FAM228B: variants seen among roughly 807,000 people sequenced by gnomAD.
FAM228B encodes the protein family with sequence similarity 228 member B.
FAM228B carries 38 observed loss-of-function variants against 42.6 expected under a neutral mutation model. That is an observed-to-expected ratio of 0.89 (90% CI 0.69 to 1.17). FAM228B has a LOEUF of 1.17. FAM228B is among the 50% of genes most tolerant of loss of function. FAM228B has a pLI of 0.00. For missense variants in FAM228B, 344 were observed against 367.3 expected (o/e 0.94, Z 0.52); for synonymous variants, 109 against 122.3 (o/e 0.89, Z 0.72).
intron 7 of FAM228B, among the ~76,000 whole-genome samples, chr2:24,150,820 G>T (rs1160022875): frequency 6.6e-6 from 1 of 152,128 alleles, no homozygotes; most frequent in Non-Finnish European, 1.5e-5. Flanking sequence ...TCCATTGTAT[G>T]TTATTTGTTT....
At chr2:24,167,574 A>C in intron 9 of FAM228B, 53 bp from the exon 10 acceptor site, 1 of 1,550,094 alleles carries the variant, frequency 6.5e-7, no homozygotes, top group Non-Finnish European at 8.7e-7. Flanking sequence ...TTCAGTAACT[A>C]ATATGGCCAG....
At chr2:24,115,433 C>T in intron 3 of FAM228B, 1 of 641,268 alleles carries the variant, frequency 1.6e-6, no homozygotes, top group Non-Finnish European at 2.7e-6. Context: ...AGAAGAGGAT[C>T]TCTGGAAGTA....
Position 24,164,327 on chromosome 2 carries a change from C to T in FAM228B, c.924C>T (p.Asp308=). The T allele has an allele frequency of 6.4e-7, 1 of 1,550,470 alleles. No homozygotes were observed. Among genetic ancestry groups the T allele is most frequent in the Admixed American group, 2.0e-5 (1 of 50,942 alleles). Residue 308 remains aspartate, a synonymous_variant, in exon 9 of 11, where the codon GAC becomes GAT. Coordinates refer to ENST00000615575, the MANE Select transcript of FAM228B (RefSeq NM_001145710.2). The part of the protein sequence containing the change: ...SLSLSQEREE[D]QDGSPSPRLG... The stretch of plus-strand genomic sequence containing the variant: ...GCCTCAGCCAGGAACGGGAGGAAGA[C>T]CAGGATGGGTAAGAGCTGGGGCTGT...
intron 2 of FAM228B, among the ~76,000 whole-genome samples, chr2:24,130,742 G>A (rs778029095): frequency 6.6e-6 from 1 of 152,054 alleles, no homozygotes; most frequent in African/African-American, 2.4e-5. Flanking sequence ...CTCCCATTCT[G>A]TAGGTTTCCT....
chr2:24,088,737 G>A (rs72783619), intron 2 of FAM228B, among the ~76,000 whole-genome samples: 23,303 of 152,250 alleles, frequency 0.15, 2,029 homozygotes, highest in South Asian at 0.21. Context: ...ATCCAAGGAG[G>A]GAGTCATGAG....
chr2:24,083,171 A>G (rs1307142611), intron 2 of FAM228B: 2 of 1,580,704 alleles, frequency 1.3e-6, no homozygotes, highest in Admixed American at 3.5e-5. Context: ...AAAGAAGTGC[A>G]CTAAGTGGTG....
intron 2 of FAM228B, among the ~76,000 whole-genome samples, chr2:24,083,641 A>G (rs1334987120): frequency 2.0e-5 from 3 of 152,158 alleles, no homozygotes; most frequent in Non-Finnish European, 4.4e-5. Context: ...ATTCTGATGC[A>G]CATTTCTGAA....
At chr2:24,118,216 T>C (rs1462980459) in intron 3 of FAM228B, among the ~76,000 whole-genome samples, 1 of 152,202 alleles carries the variant, frequency 6.6e-6, no homozygotes, top group Non-Finnish European at 1.5e-5. Flanking sequence ...TGGCTCTCTA[T>C]GTCTCTGTTC....
rs866258463 is a variant in FAM228B at position 24,098,802 on chromosome 2, T to C, written c.-121+3573T>C. On this transcript the variant is annotated intron_variant, in intron 3 of 10. Transcript: ENST00000613899. ...TTTCATGAGGCCAACATCATCCTTA[T>C]GCCAAAGCCTGGCAGAGACACAACA... 4.6e-5 allele frequency among the ~76,000 whole-genome samples: 7 copies of C among 152,334 alleles called. No individual in the cohort carries two copies. In the South Asian group the frequency reaches 1.5e-3, roughly 32 times the overall value.
intron 3 of FAM228B, among the ~76,000 whole-genome samples, chr2:24,136,472 C>T (rs1666591657): frequency 6.6e-6 from 1 of 152,196 alleles, no homozygotes. Context: ...GATCTGCCCA[C>T]CTCGGCCTCC....
chr2:24,084,537 C>T lies in FAM228B; in HGVS notation c.-210+3582C>T. On this transcript the variant is annotated intron_variant, in intron 2 of 10. Coordinates refer to the FAM228B transcript ENST00000613899. This position sits in a 1 kb window ranked among gnomAD's most constrained non-coding sequence, Gnocchi z 8.4. ...CCCGGCCTCCGCCCCGAGCTCCTGC[C>T]TGGGAAGTCCTCGGCCGCCTCCAGA... The T allele has an allele frequency of 8.0e-6, 5 of 624,572 alleles. No homozygotes were observed. Among genetic ancestry groups the T allele is most frequent in the Non-Finnish European group, 1.0e-5 (4 of 391,810 alleles). 38.7% of individuals were successfully genotyped at this position (624,572 alleles called of 1,614,324 possible). A position where few individuals can be genotyped will look rare whatever the true frequency, so the allele number is the denominator to read the frequency against.
At chr2:24,141,986 A>G (rs1048109688) in intron 5 of FAM228B, among the ~76,000 whole-genome samples, 1 of 152,146 alleles carries the variant, frequency 6.6e-6, no homozygotes, top group African/African-American at 2.4e-5. Context: ...TAGACCCAGC[A>G]TTGGTAATCC....
intron 10 of FAM228B, among the ~76,000 whole-genome samples, chr2:24,168,721 A>G (rs1667489775): frequency 6.6e-6 from 1 of 152,148 alleles, no homozygotes; most frequent in Admixed American, 6.5e-5. Flanking sequence ...GCTCCCATAG[A>G]GAGGGAGATT....
At chr2:24,093,020 G>A (rs749901695) in intron 2 of FAM228B, among the ~76,000 whole-genome samples, 1 of 150,646 alleles carries the variant, frequency 6.6e-6, no homozygotes, top group Non-Finnish European at 1.5e-5. Context: ...CACCACCATG[G>A]CTCAGGGCTC....
rs1019719811 is a variant in FAM228B at position 24,080,404 on chromosome 2, C to T, written c.-289-472C>T. On this transcript the variant is annotated intron_variant, in intron 1 of 10. Transcript: ENST00000613899. The surrounding 1 kb of genome is among the most constrained non-coding windows in gnomAD (Gnocchi z 4.7). Reference sequence around the variant, plus strand: ...GAAAGGGATGAGCCAAAAATAGACACGTCTGGCTTTGGAATACAGAGGTGT... The same window carrying T: ...GAAAGGGATGAGCCAAAAATAGACATGTCTGGCTTTGGAATACAGAGGTGT... 5.3e-5 allele frequency among the ~76,000 whole-genome samples: 8 copies of T among 151,966 alleles called. No homozygotes were observed. Among genetic ancestry groups the T allele is most frequent in the East Asian group, 1.9e-4 (1 of 5,188 alleles).
At chr2:24,078,861 T>C (rs1008842518) in intron 1 of FAM228B, 13 of 151,686 alleles carry the variant, frequency 8.6e-5, no homozygotes, top group African/African-American at 2.7e-4. Context: ...CCAGATGGAA[T>C]ATTTCAGGAG....
intron 8 of FAM228B, 127 bp from the exon 9 acceptor site, chr2:24,164,071 G>A (rs978520831): frequency 1.7e-5 from 15 of 887,806 alleles, no homozygotes; most frequent in South Asian, 2.0e-5. Flanking sequence ...AAGTAAATAC[G>A]TTTATTTTCA....
chr2:24,166,774 CCTCT>C (rs1667426855), intron 9 of FAM228B, among the ~76,000 whole-genome samples: 4 of 152,078 alleles, frequency 2.6e-5, no homozygotes, highest in Non-Finnish European at 5.9e-5. Context: ...GGAGGCTTCT[CCTCT>C]GAGATGACGT....
At chr2:24,091,802 C>T (rs577515934) in intron 2 of FAM228B, among the ~76,000 whole-genome samples, 24 of 152,078 alleles carry the variant, frequency 1.6e-4, no homozygotes, top group Admixed American at 3.9e-4. Context: ...CCCAAAATGT[C>T]AGTTTTACCA....
Sources: allele counts gnomAD v4.1 joint callset (sites outside exome capture counted in the v4.1 genomes callset), GRCh38; gene constraint gnomAD v4.1.1; non-coding constraint Gnocchi (gnomAD v3.1); transcripts MANE v1.5; gene names NCBI Gene and HGNC (gene_info 2026-07-23, HGNC 2026-07-21).